Variants in DLG2 observed in about 807,000 individuals in gnomAD.
DLG2 encodes the protein disks large homolog 2.
DLG2 carries 45 observed loss-of-function variants against 132.5 expected under a neutral mutation model. The ratio of observed to expected loss-of-function variants is 0.34; its 90% CI spans 0.27 to 0.44. The LOEUF is 0.44. Ranked by LOEUF, DLG2 falls within the 20% of genes least tolerant of loss-of-function variation. The pLI is 1.00. For synonymous variants in DLG2, 424 were observed against 419.6 expected, an observed-to-expected ratio of 1.01 and a Z score of -0.13; for missense variants, 1,045 against 1,196.9, an observed-to-expected ratio of 0.87 and a Z score of 1.87.
chr11:85,233,913 C>A (rs1171107408), intron 4 of DLG2, among the ~76,000 whole-genome samples: 4 of 151,762 alleles, frequency 2.6e-5, no homozygotes, highest in Non-Finnish European at 5.9e-5. Context: ...ATTTTCACAA[C>A]AATCCTGAGA....
At chr11:84,036,333 G>A (rs762496061) in intron 11 of DLG2, among the ~76,000 whole-genome samples, 1 of 152,142 alleles carries the variant, frequency 6.6e-6, no homozygotes, top group East Asian at 1.9e-4. Context: ...TCCCAGAATA[G>A]CTGATATCCT....
chr11:84,260,985 T>C (rs2097541580), intron 7 of DLG2, among the ~76,000 whole-genome samples: 1 of 152,208 alleles, frequency 6.6e-6, no homozygotes, highest in South Asian at 2.1e-4. Context: ...CTTAATTCAC[T>C]GATTCACTCT....
chr11:84,379,052 T>G (rs1211160594), intron 7 of DLG2, among the ~76,000 whole-genome samples: 1 of 151,612 alleles, frequency 6.6e-6, no homozygotes, highest in Non-Finnish European at 1.5e-5. Flanking sequence ...ATACACATTA[T>G]TTCTTTTGAA....
At position 84,959,889 on chromosome 11, in the gene DLG2, AG is replaced by A. The variant is rs1235237060; in HGVS notation, c.357+151771del. ...AAGGTAGAAATGTATATAGACAATGAGGAAAAAAAAACTGGTTAAGTAAAGG... is the reference window on the plus strand; with the variant it reads ...AAGGTAGAAATGTATATAGACAATGAGAAAAAAAAACTGGTTAAGTAAAGG... On this transcript the variant is annotated intron_variant, in intron 6 of 27. Coordinates refer to ENST00000376104, the MANE Select transcript of DLG2 (RefSeq NM_001142699.3). Among the ~76,000 whole-genome samples, 4 of 152,268 alleles carry A rather than the reference AG, an allele frequency of 2.6e-5. No individual in the cohort carries two copies. In the East Asian group the frequency reaches 5.8e-4, roughly 22 times the overall value.
At position 84,667,478 on chromosome 11, in the gene DLG2, GT is replaced by G. The variant is rs1333213584; in HGVS notation, c.358-132748del. 1.2e-4 allele frequency among the ~76,000 whole-genome samples: 11 copies of G among 91,410 alleles called. No homozygotes were observed. In the East Asian group the frequency reaches 4.7e-3, roughly 39 times the overall value. 60.0% of individuals were successfully genotyped at this position (91,410 alleles called of 152,430 possible). ...AGAACATTGATTCAAGTTTTTTTTT[GT>G]TTTTGTTTTTTGTTTTTTGTTTTTT... On this transcript the variant is annotated intron_variant, in intron 6 of 27. Coordinates refer to ENST00000376104, the MANE Select transcript of DLG2 (RefSeq NM_001142699.3).
At chr11:83,906,077 C>A (rs1415640834) in intron 15 of DLG2, among the ~76,000 whole-genome samples, 44 of 97,178 alleles carry the variant, frequency 4.5e-4, no homozygotes, top group African/African-American at 1.4e-3. Flanking sequence ...CTCTCTCTCT[C>A]TCTCTATATA....
chr11:83,701,158 G>A (rs961939542), intron 18 of DLG2, among the ~76,000 whole-genome samples: 4 of 152,066 alleles, frequency 2.6e-5, no homozygotes, highest in Non-Finnish European at 4.4e-5. Flanking sequence ...CTGCCATATT[G>A]TTAGTTATGG....
chr11:85,399,018 T>A (rs2087734750), intron 3 of DLG2, among the ~76,000 whole-genome samples: 2 of 152,310 alleles, frequency 1.3e-5, no homozygotes, highest in South Asian at 4.1e-4. Context: ...CATGATTGTA[T>A]ATTTAGAAAA....
chr11:84,826,493 C>T (rs1457369140), intron 6 of DLG2, among the ~76,000 whole-genome samples: 1 of 151,874 alleles, frequency 6.6e-6, no homozygotes, highest in Non-Finnish European at 1.5e-5. Context: ...CTCCCATTGC[C>T]AAACAAACAA....
chr11:83,720,439 T>C (rs1459356015), intron 18 of DLG2, among the ~76,000 whole-genome samples: 2 of 151,974 alleles, frequency 1.3e-5, no homozygotes, highest in Non-Finnish European at 2.9e-5. Context: ...TCTTTACCTT[T>C]TTCAAGATTC....
chr11:84,562,159 T>A (rs2099429936), intron 6 of DLG2, among the ~76,000 whole-genome samples: 1 of 151,750 alleles, frequency 6.6e-6, no homozygotes, highest in Admixed American at 6.6e-5. Flanking sequence ...CTCCAAGATA[T>A]CCTTTGGTTC....
intron 7 of DLG2, among the ~76,000 whole-genome samples, chr11:84,262,719 T>C (rs7122248): frequency 0.73 from 110,456 of 151,958 alleles, 40,497 homozygotes; most frequent in South Asian, 0.84. Flanking sequence ...CACTGCAACA[T>C]TCTTAGGCCT....
intron 6 of DLG2, among the ~76,000 whole-genome samples, chr11:84,860,117 C>T (rs1245805907): frequency 6.6e-6 from 1 of 152,146 alleles, no homozygotes; most frequent in Admixed American, 6.6e-5. Flanking sequence ...AATCAACAAA[C>T]ATTTGTTGAA....
chr11:83,988,758 T>C (rs1413363376), intron 11 of DLG2, among the ~76,000 whole-genome samples: 1 of 152,108 alleles, frequency 6.6e-6, no homozygotes, highest in African/African-American at 2.4e-5. Context: ...TTTGTTCCAG[T>C]CTCAATTTCT....
intron 15 of DLG2, among the ~76,000 whole-genome samples, chr11:83,901,213 TG>T (rs755031366): frequency 6.4e-4 from 98 of 152,344 alleles, no homozygotes; most frequent in Non-Finnish European, 1.3e-3. Context: ...GGACTTGCCT[TG>T]TCTTAGATGA....
At chr11:85,596,493 G>T (rs1275091699) in intron 3 of DLG2, among the ~76,000 whole-genome samples, 1 of 152,146 alleles carries the variant, frequency 6.6e-6, no homozygotes, top group Non-Finnish European at 1.5e-5. Context: ...TGCAGTAATG[G>T]TATTTTATTA....
intron 19 of DLG2, among the ~76,000 whole-genome samples, chr11:83,546,835 T>A (rs982181033): frequency 6.6e-6 from 1 of 152,152 alleles, no homozygotes; most frequent in African/African-American, 2.4e-5. Flanking sequence ...AGAGGACACA[T>A]TCAATTCTCA....
intron 10 of DLG2, 120 bp downstream of exon 10, chr11:84,098,803 C>T (rs920394809): frequency 2.5e-6 from 3 of 1,195,150 alleles, no homozygotes; most frequent in Non-Finnish European, 3.5e-6. Flanking sequence ...GGAAGCTTGC[C>T]TTAAAAATCT....
chr11:83,860,229 A>C (rs943791669), intron 16 of DLG2, among the ~76,000 whole-genome samples: 2 of 152,168 alleles, frequency 1.3e-5, no homozygotes, highest in African/African-American at 4.8e-5. Flanking sequence ...CAGACCCCAG[A>C]ATGATAGATC....
Sources: allele counts gnomAD v4.1 joint callset (sites outside exome capture counted in the v4.1 genomes callset), GRCh38; gene constraint gnomAD v4.1.1; transcripts MANE v1.5; gene names NCBI Gene and HGNC (gene_info 2026-07-23, HGNC 2026-07-21).